The following DST variants were observed in gnomAD, a reference collection of about 807,000 sequenced individuals.
The protein encoded by DST is dystonin, also known as bullous pemphigoid antigen.
DST carries 253 observed loss-of-function variants against 875.2 expected under a neutral mutation model. The ratio of observed to expected loss-of-function variants is 0.29; its 90% CI spans 0.26 to 0.32. The LOEUF is 0.32. Ranked by LOEUF, DST falls within the 10% of genes least tolerant of loss-of-function variation. DST has a pLI of 1.00. For synonymous variants in DST, 3,124 were observed against 3,197.1 expected, an observed-to-expected ratio of 0.98 and a Z score of 0.77; for missense variants, 8,287 against 9,111.6, an observed-to-expected ratio of 0.91 and a Z score of 3.68.
intron 44 of DST, among the ~76,000 whole-genome samples, chr6:56,601,139 A>G (rs1052160784): frequency 6.6e-6 from 1 of 152,018 alleles, no homozygotes; most frequent in African/African-American, 2.4e-5. Flanking sequence ...TTCTTTAGTC[A>G]TATGTTCCTC....
chr6:56,781,451 T>G (rs562530143), intron 4 of DST, among the ~76,000 whole-genome samples: 8 of 152,308 alleles, frequency 5.3e-5, no homozygotes, highest in Admixed American at 3.9e-4. Flanking sequence ...CCTTGTAAGT[T>G]GGATTCCTAA....
At chr6:56,888,792 G>T (rs904652598) in intron 3 of DST, among the ~76,000 whole-genome samples, 21 of 152,054 alleles carry the variant, frequency 1.4e-4, no homozygotes, top group Admixed American at 6.6e-5. Flanking sequence ...AACCTAAGCT[G>T]TAATCAGAAA....
At chr6:56,715,400 G>C (rs1293656045) in intron 5 of DST, among the ~76,000 whole-genome samples, 1 of 152,162 alleles carries the variant, frequency 6.6e-6, no homozygotes, top group East Asian at 1.9e-4. Context: ...AAGGAGCACA[G>C]AATGACACCT....
chr6:56,618,173 C>T (rs1361595546), intron 36 of DST: 3 of 1,614,174 alleles, frequency 1.9e-6, no homozygotes, highest in Non-Finnish European at 2.5e-6. Flanking sequence ...CTCAGAGTAA[C>T]ACTGCTGGCT....
At chr6:56,892,083 T>C (rs184917989) in intron 3 of DST, among the ~76,000 whole-genome samples, 1 of 152,320 alleles carries the variant, frequency 6.6e-6, no homozygotes, top group East Asian at 1.9e-4. Flanking sequence ...ACCCTGCACA[T>C]GTTTAATCCT....
chr6:56,486,761 T>C (rs905538480), intron 87 of DST, among the ~76,000 whole-genome samples: 1 of 152,130 alleles, frequency 6.6e-6, no homozygotes, highest in Non-Finnish European at 1.5e-5. Context: ...CAAGATTCCA[T>C]TTACATTTTT....
intron 3 of DST, among the ~76,000 whole-genome samples, chr6:56,884,869 C>G (rs1783909539): frequency 6.6e-6 from 1 of 152,160 alleles, no homozygotes; most frequent in Admixed American, 6.5e-5. Context: ...GCTGAGACTA[C>G]AGGCACGTGC....
At chr6:56,734,586 A>C (rs2099516202) in intron 5 of DST, among the ~76,000 whole-genome samples, 2 of 152,220 alleles carry the variant, frequency 1.3e-5, no homozygotes, top group South Asian at 4.1e-4. Flanking sequence ...AGATTTACAG[A>C]AGGGCTTCAA....
intron 3 of DST, among the ~76,000 whole-genome samples, chr6:56,890,249 A>T (rs190738858): frequency 6.6e-6 from 1 of 152,380 alleles, no homozygotes; most frequent in African/African-American, 2.4e-5. Context: ...AGAGAAAAAC[A>T]GAGAAGAGTG....
In DST at chr6:56,738,864, C is replaced by T. The variant is rs538259739; in HGVS notation, c.626-3575G>A. The stretch of plus-strand genomic sequence containing the variant: ...TCTTGAACACCTAAGCTCACGCCAT[C>T]CACCTGCTTCAGCCTCCCAGAGTGC... On this transcript the variant is annotated intron_variant, in intron 4 of 103. Coordinates refer to ENST00000680361, the MANE Select transcript of DST (RefSeq NM_001374736.1). 6.2e-4 allele frequency among the ~76,000 whole-genome samples: 94 copies of T among 151,840 alleles called. 1 individual carries two copies. The highest frequency in any genetic ancestry group is 1.1e-3 in the Non-Finnish European group (75 of 67,952).
rs150530855 is a variant in DST, at chr6:56,639,573, G to A, written c.2736C>T (p.Leu912=). 1.9e-6 allele frequency: 3 copies of A among 1,613,686 alleles called. No individual in the cohort carries two copies. The African/African-American group carries it at 4.0e-5, about 22-fold the overall frequency. Residue 912 remains leucine, a synonymous_variant, in exon 21 of 104, where the codon CTC becomes CTT. Coordinates refer to ENST00000680361, the MANE Select transcript of DST (RefSeq NM_001374736.1). ...SRNQERHLDT[L]HNFVSRATNE... is the part of the protein sequence containing the mutation. ...TAGTCGCACGACTTACAAAATTATG[G>A]AGTGTATCAAGGTGCCGTTCTTGAT...
intron 12 of DST, 37 bp downstream of exon 12, chr6:56,650,889 A>T: frequency 7.5e-7 from 1 of 1,324,566 alleles, no homozygotes; most frequent in Middle Eastern, 1.8e-4. Flanking sequence ...GTCATTACTG[A>T]ATCAACAGCT....
intron 49 of DST, among the ~76,000 whole-genome samples, chr6:56,583,312 A>T (rs1312507891): frequency 6.6e-6 from 1 of 152,048 alleles, no homozygotes; most frequent in African/African-American, 2.4e-5. Flanking sequence ...ATGGTATCTC[A>T]TTGTGGTTTT....
chr6:56,517,432 A>G, intron 70 of DST, 69 bp downstream of exon 70: 1 of 1,598,230 alleles, frequency 6.3e-7, no homozygotes, highest in Non-Finnish European at 8.5e-7. Context: ...AAATCATACA[A>G]GCACATTTTA....
chr6:56,777,985 G>A (rs866723972), intron 4 of DST, among the ~76,000 whole-genome samples: 2 of 152,122 alleles, frequency 1.3e-5, no homozygotes, highest in African/African-American at 2.4e-5. Context: ...TTACAGGCAT[G>A]AGCCACTGCC....
chr6:56,676,872 G>A (rs924905675), intron 9 of DST, among the ~76,000 whole-genome samples: 6 of 152,116 alleles, frequency 3.9e-5, no homozygotes, highest in African/African-American at 1.4e-4. Context: ...GGTTACCAGA[G>A]GCTGCGGGGT....
At chr6:56,923,715 G>C (rs1422561887) in intron 2 of DST, among the ~76,000 whole-genome samples, 1 of 152,192 alleles carries the variant, frequency 6.6e-6, no homozygotes, top group South Asian at 2.1e-4. Flanking sequence ...TTACTCAGGG[G>C]AAGGTCAGTC....
chr6:56,488,423 G>GGAAA (rs1250342713), intron 86 of DST, among the ~76,000 whole-genome samples: 2 of 152,200 alleles, frequency 1.3e-5, no homozygotes, highest in African/African-American at 2.4e-5. Context: ...GGGGAAGGAA[G>GGAAA]GAAGGTGCTG....
rs2097346630 is a variant in DST, at chr6:56,553,003, A to T, written c.15789T>A (p.Ser5263Arg). ...TCATGTTCTCCAGACAGAATTTCTT[A>T]CTGTGAAGTTGTTCAGTGACCATGT... ...KVDMVTEQLH[S>R]KKFCLENMTQ... Residue 5263 changes from serine (S) to arginine (R), a missense_variant, in exon 61 of 104, where the codon AGT (serine) becomes AGA (arginine). By Grantham distance (110) the Ser-to-Arg change is moderately radical. Around this residue, in one of 10 missense-constraint regions of DST, gnomAD observed 1,513 missense variants for 1,677.8 expected, o/e 0.90. Coordinates refer to ENST00000680361, the MANE Select transcript of DST (RefSeq NM_001374736.1). The T allele has an allele frequency of 6.2e-7, 1 of 1,613,832 alleles. No homozygotes were observed. Among genetic ancestry groups the T allele is most frequent in the Non-Finnish European group, 8.5e-7 (1 of 1,179,904 alleles).
Sources: allele counts gnomAD v4.1 joint callset (sites outside exome capture counted in the v4.1 genomes callset), GRCh38; gene constraint gnomAD v4.1.1; regional missense constraint gnomAD v4.1.1; transcripts MANE v1.5; gene names NCBI Gene and HGNC (gene_info 2026-07-23, HGNC 2026-07-21).